Variants in C12orf75 observed in about 807,000 individuals in gnomAD.
The protein encoded by C12orf75 is chromosome 12 open reading frame 75, also known as overexpressed in colon carcinoma 1 protein.
A neutral mutation model predicts 11.4 loss-of-function variants in C12orf75; 4 were observed. The ratio of observed to expected loss-of-function variants is 0.35; its 90% CI spans 0.17 to 0.80. C12orf75 has a LOEUF of 0.80. Ranked by LOEUF, C12orf75 falls within the 30% of genes least tolerant of loss-of-function variation. The pLI, the probability that C12orf75 is intolerant of heterozygous loss-of-function variation, is 0.52. For synonymous variants in C12orf75, 30 were observed against 30.0 expected (o/e 1.00, Z 0.00); for missense variants, 89 against 80.4 (o/e 1.11, Z -0.41).
At chr12:105,362,376 C>T (rs1263898920) in intron 2 of C12orf75, among the ~76,000 whole-genome samples, 2 of 104,792 alleles carry the variant, frequency 1.9e-5, no homozygotes, top group Non-Finnish European at 1.8e-5. Flanking sequence ...CAGAGCGAGA[C>T]TCCGTCTCAA....
Position 105,330,747 on chromosome 12 carries a change from G to A in C12orf75, c.-145G>A, listed in dbSNP as rs1002626296. 2.5e-6 allele frequency: 2 copies of A among 785,608 alleles called. No homozygotes were observed. The highest frequency in any genetic ancestry group is 3.7e-5 in the African/African-American group (2 of 54,462). 48.7% of individuals were successfully genotyped at this position (785,608 alleles called of 1,614,324 possible). ...GCCCCGGGCCGCGTCTCCCGGCGGT[G>A]GGAGGGGGCGGCCCCCACTCGGTTC... On this transcript the variant is annotated 5_prime_UTR_variant, in exon 1 of 6. Transcript: ENST00000443585.
At chr12:105,332,566 T>C (rs1247126426) in intron 1 of C12orf75, among the ~76,000 whole-genome samples, 2 of 151,872 alleles carry the variant, frequency 1.3e-5, no homozygotes, top group South Asian at 2.1e-4. Context: ...ACCCAGTCTC[T>C]ACTAAAAATA....
intron 1 of C12orf75, among the ~76,000 whole-genome samples, chr12:105,343,130 A>T (rs967006719): frequency 6.6e-6 from 1 of 152,216 alleles, no homozygotes; most frequent in Non-Finnish European, 1.5e-5. Flanking sequence ...GATATTTAAA[A>T]TTATGATTAT....
In C12orf75 at chr12:105,330,933, C is replaced by A; in HGVS notation, c.42C>A (p.Gly14=). 8.1e-7 allele frequency: 1 copy of A among 1,236,266 alleles called. No homozygotes were observed. Among genetic ancestry groups the A allele is most frequent in the South Asian group, 3.8e-5 (1 of 26,088 alleles). The allele number at this position is 1,236,266 out of a possible 1,614,324, so 76.6% of individuals were successfully genotyped here. The change falls in exon 1 of 6, where the codon GGC becomes GGA. Residue 14 remains glycine (G), a synonymous_variant. Transcript: ENST00000443585. ...GNSTATSAGA[G]QGPAGAAKDV... ...CCACCGCCACCAGCGCGGGCGCGGGCCAAGGTGAGTCCGGCGGGAGGCGGG... is the reference window on the plus strand; with the variant it reads ...CCACCGCCACCAGCGCGGGCGCGGGACAAGGTGAGTCCGGCGGGAGGCGGG...
At chr12:105,347,424 G>A (rs1455194526) in intron 1 of C12orf75, among the ~76,000 whole-genome samples, 1 of 152,190 alleles carries the variant, frequency 6.6e-6, no homozygotes, top group Non-Finnish European at 1.5e-5. Flanking sequence ...GCAGTCTTCA[G>A]TCTATAGCTG....
chr12:105,331,815 C>T (rs1307927093), intron 1 of C12orf75, among the ~76,000 whole-genome samples: 1 of 152,142 alleles, frequency 6.6e-6, no homozygotes, highest in African/African-American at 2.4e-5. Flanking sequence ...ATTTCAGTGT[C>T]CTTTTGGATA....
At chr12:105,366,758 G>C (rs1481105493) in intron 4 of C12orf75, 62 bp downstream of exon 4, 2 of 991,674 alleles carry the variant, frequency 2.0e-6, no homozygotes, top group African/African-American at 3.2e-5. Context: ...TTATGAAAAA[G>C]CATGAAATTT....
chr12:105,343,410 A>G (rs201573946), intron 1 of C12orf75, among the ~76,000 whole-genome samples: 142 of 152,382 alleles, frequency 9.3e-4, no homozygotes, highest in Non-Finnish European at 1.6e-3. Context: ...TAGATGTAAC[A>G]TTATACATAT....
At chr12:105,334,694 C>G (rs1241576015) in intron 1 of C12orf75, among the ~76,000 whole-genome samples, 1 of 152,224 alleles carries the variant, frequency 6.6e-6, no homozygotes, top group African/African-American at 2.4e-5. Context: ...CTTTTGCACT[C>G]TCGCTCACTC....
chr12:105,367,408 A>G, intron 4 of C12orf75, 64 bp from the exon 5 acceptor site: 2 of 599,756 alleles, frequency 3.3e-6, no homozygotes, highest in South Asian at 2.2e-5. Flanking sequence ...TTAATGTTCT[A>G]TAGAAAATTA....
intron 2 of C12orf75, among the ~76,000 whole-genome samples, chr12:105,354,656 C>T (rs950914992): frequency 2.0e-5 from 3 of 152,030 alleles, no homozygotes; most frequent in Non-Finnish European, 2.9e-5. Flanking sequence ...GGCAGAAGAC[C>T]CAGCATATTG....
chr12:105,346,248 A>G (rs564099075), intron 1 of C12orf75, among the ~76,000 whole-genome samples: 16 of 152,242 alleles, frequency 1.1e-4, no homozygotes, highest in Non-Finnish European at 1.0e-4. Context: ...CCCATAACGT[A>G]TGAAACCAAG....
intron 1 of C12orf75, among the ~76,000 whole-genome samples, chr12:105,331,934 G>T (rs999193645): frequency 6.6e-6 from 1 of 152,208 alleles, no homozygotes; most frequent in African/African-American, 2.4e-5. Context: ...CGGCTGTGGA[G>T]GCCCTGGCAA....
At position 105,330,882 on chromosome 12, in the gene C12orf75, C is replaced by A. The variant is rs1344436048; in HGVS notation, c.-10C>A. ...AGCTCCGGAGCGCGGCTTCCCCGGC[C>A]GGCTGCGCGATGGGCTGCGGGAACT... On this transcript the variant is annotated 5_prime_UTR_variant, in exon 1 of 6. Coordinates refer to ENST00000443585, the MANE Select transcript of C12orf75 (RefSeq NM_001145199.2). 8.0e-7 allele frequency: 1 copy of A among 1,254,378 alleles called. No homozygotes were observed. Among genetic ancestry groups the A allele is most frequent in the East Asian group, 3.2e-5 (1 of 31,448 alleles). 77.7% of individuals were successfully genotyped at this position (1,254,378 alleles called of 1,614,324 possible).
intron 2 of C12orf75, among the ~76,000 whole-genome samples, chr12:105,351,338 A>T (rs1892711807): frequency 6.6e-6 from 1 of 152,238 alleles, no homozygotes; most frequent in Non-Finnish European, 1.5e-5. Context: ...ACACAATATT[A>T]TGCAGACCAC....
chr12:105,369,381 T>C (rs941847834), intron 5 of C12orf75, among the ~76,000 whole-genome samples: 1 of 152,210 alleles, frequency 6.6e-6, no homozygotes, highest in African/African-American at 2.4e-5. Flanking sequence ...TCTCCTCAAC[T>C]TTCCCCATTC....
intron 2 of C12orf75, among the ~76,000 whole-genome samples, chr12:105,355,289 C>T (rs528473933): frequency 1.3e-5 from 2 of 151,620 alleles, no homozygotes; most frequent in Non-Finnish European, 2.9e-5. Flanking sequence ...CCTGCCTCAG[C>T]CTCCCAAGTA....
At chr12:105,366,003 A>G (rs1871460682) in intron 3 of C12orf75, 161 bp downstream of exon 3, 2 of 660,606 alleles carry the variant, frequency 3.0e-6, no homozygotes, top group African/African-American at 1.8e-5. Flanking sequence ...GAACTTGCCC[A>G]GGATTCATCA....
At chr12:105,359,497 G>A (rs377207274) in intron 2 of C12orf75, among the ~76,000 whole-genome samples, 5 of 152,026 alleles carry the variant, frequency 3.3e-5, no homozygotes, top group Non-Finnish European at 7.4e-5. Context: ...CTGGCTGGGC[G>A]CAGTGGCTCA....
Sources: allele counts gnomAD v4.1 joint callset (sites outside exome capture counted in the v4.1 genomes callset), GRCh38; gene constraint gnomAD v4.1.1; transcripts MANE v1.5; gene names NCBI Gene and HGNC (gene_info 2026-07-23, HGNC 2026-07-21).